The following KMT5B variants were observed in gnomAD, a reference collection of about 807,000 sequenced individuals.
KMT5B encodes the protein lysine methyltransferase 5B, also known as histone-lysine N-methyltransferase KMT5B.
Under a neutral mutation model 83.2 loss-of-function variants are expected in KMT5B, and 10 were observed. The ratio of observed to expected loss-of-function variants is 0.12; its 90% CI spans 0.07 to 0.20. The LOEUF (loss-of-function observed/expected upper bound fraction) is 0.20, where lower values mean the gene tolerates loss of function less well. Ranked by LOEUF, KMT5B falls within the 10% of genes least tolerant of loss-of-function variation. KMT5B has a pLI of 1.00. For missense variants in KMT5B, 753 were observed against 1,067.2 expected, an observed-to-expected ratio of 0.71 and a Z score of 4.10; for synonymous variants, 349 against 388.8, an observed-to-expected ratio of 0.90 and a Z score of 1.20.
chr11:68,202,484 C>A (rs1400354088), intron 1 of KMT5B, among the ~76,000 whole-genome samples: 1 of 151,992 alleles, frequency 6.6e-6, no homozygotes. Flanking sequence ...CTTATTACAA[C>A]CATACTCACT....
chr11:68,161,374 T>C (rs1854851334), intron 10 of KMT5B, among the ~76,000 whole-genome samples: 1 of 152,182 alleles, frequency 6.6e-6, no homozygotes. Context: ...CAGATGTGGC[T>C]ACGATGATCC....
At chr11:68,191,505 T>C (rs1042206987) in intron 1 of KMT5B, among the ~76,000 whole-genome samples, 1 of 152,054 alleles carries the variant, frequency 6.6e-6, no homozygotes, top group African/African-American at 2.4e-5. Flanking sequence ...AGCTAATTTT[T>C]GTATTTTTAG....
chr11:68,205,831 A>C (rs181242190), intron 1 of KMT5B, among the ~76,000 whole-genome samples: 2 of 152,284 alleles, frequency 1.3e-5, no homozygotes, highest in Admixed American at 1.3e-4. Context: ...CGTGTTAGGC[A>C]GGATGGTCTC....
At chr11:68,201,012 G>A (rs1859369833) in intron 1 of KMT5B, among the ~76,000 whole-genome samples, 1 of 152,202 alleles carries the variant, frequency 6.6e-6, no homozygotes, top group Admixed American at 6.5e-5. Flanking sequence ...TAAATAAGGA[G>A]GTGGGGGGTG....
chr11:68,167,504 G>C (rs1370420681), intron 9 of KMT5B, among the ~76,000 whole-genome samples: 1 of 150,714 alleles, frequency 6.6e-6, no homozygotes, highest in Non-Finnish European at 1.5e-5. Flanking sequence ...GCCCAGGCTG[G>C]AATGCAGTGG....
chr11:68,196,255 T>C (rs969242311), intron 1 of KMT5B, among the ~76,000 whole-genome samples: 4 of 152,004 alleles, frequency 2.6e-5, no homozygotes, highest in African/African-American at 9.7e-5. Flanking sequence ...TATAACACCA[T>C]CTCTTTGCCT....
intron 1 of KMT5B, among the ~76,000 whole-genome samples, chr11:68,195,866 T>A (rs1461604733): frequency 6.6e-6 from 1 of 152,202 alleles, no homozygotes; most frequent in Non-Finnish European, 1.5e-5. Flanking sequence ...TTAAATAAAA[T>A]GAATTTTTGG....
chr11:68,168,332 T>C (rs886258639), intron 9 of KMT5B, among the ~76,000 whole-genome samples: 6 of 152,136 alleles, frequency 3.9e-5, no homozygotes, highest in South Asian at 4.1e-4. Context: ...CTTTTTGTTA[T>C]TAGAATTTTT....
At chr11:68,195,910 A>C (rs1216137587) in intron 1 of KMT5B, among the ~76,000 whole-genome samples, 3 of 152,146 alleles carry the variant, frequency 2.0e-5, no homozygotes, top group Non-Finnish European at 4.4e-5. Context: ...TAATCCCAAC[A>C]CTTTGGGAGG....
At chr11:68,199,659 G>A (rs1373900268) in intron 1 of KMT5B, among the ~76,000 whole-genome samples, 1 of 152,200 alleles carries the variant, frequency 6.6e-6, no homozygotes, top group East Asian at 1.9e-4. Context: ...TAAAAAAGCA[G>A]TTCTAATGAA....
chr11:68,170,937 A>G (rs764154367), intron 9 of KMT5B, 78 bp downstream of exon 9: 1 of 1,411,600 alleles, frequency 7.1e-7, no homozygotes, highest in Non-Finnish European at 9.6e-7. Context: ...AACAACAAAG[A>G]GATAATGTGA....
At chr11:68,167,478 A>G (rs1855422259) in intron 9 of KMT5B, among the ~76,000 whole-genome samples, 3 of 148,136 alleles carry the variant, frequency 2.0e-5, no homozygotes. Context: ...TTTTTGAGAC[A>G]GGGTCTCACT....
At chr11:68,172,932 G>A (rs1855989299) in intron 6 of KMT5B, among the ~76,000 whole-genome samples, 1 of 152,174 alleles carries the variant, frequency 6.6e-6, no homozygotes. Flanking sequence ...GGTACATGAG[G>A]AGCTACATGT....
chr11:68,207,871 G>A (rs1308511156), intron 1 of KMT5B, among the ~76,000 whole-genome samples: 5 of 149,004 alleles, frequency 3.4e-5, no homozygotes, highest in Admixed American at 6.7e-5. Flanking sequence ...ACGCTGTCTC[G>A]CTCTATTGCC....
At chr11:68,173,992 C>T (rs563815975) in intron 5 of KMT5B, 79 bp from the exon 6 acceptor site, 1 of 958,922 alleles carries the variant, frequency 1.0e-6, no homozygotes, top group South Asian at 1.3e-5. Flanking sequence ...AAAAGCAAAC[C>T]ACCCGCAATG....
At chr11:68,210,620 G>C (rs142536849) in intron 1 of KMT5B, among the ~76,000 whole-genome samples, 7 of 152,254 alleles carry the variant, frequency 4.6e-5, no homozygotes, top group African/African-American at 1.4e-4. Flanking sequence ...GTCATCATTT[G>C]ACATACGGCC....
intron 1 of KMT5B, among the ~76,000 whole-genome samples, chr11:68,199,853 T>A (rs983088131): frequency 6.6e-6 from 1 of 152,124 alleles, no homozygotes; most frequent in East Asian, 1.9e-4. Context: ...TGCTGACAGA[T>A]TGAATGCAGG....
intron 1 of KMT5B, among the ~76,000 whole-genome samples, chr11:68,199,301 G>A (rs1859123120): frequency 1.3e-5 from 2 of 152,146 alleles, no homozygotes; most frequent in African/African-American, 4.8e-5. Context: ...ACCTTTTGGG[G>A]GGAATAAGCC....
At chr11:68,173,479 C>CTA (rs1178278691) in intron 6 of KMT5B, among the ~76,000 whole-genome samples, 1 of 152,216 alleles carries the variant, frequency 6.6e-6, no homozygotes, top group Non-Finnish European at 1.5e-5. Flanking sequence ...AACCTTTCTT[C>CTA]TAGGCCAGTA....
Sources: allele counts gnomAD v4.1 joint callset (sites outside exome capture counted in the v4.1 genomes callset), GRCh38; gene constraint gnomAD v4.1.1; transcripts MANE v1.5; gene names NCBI Gene and HGNC (gene_info 2026-07-23, HGNC 2026-07-21).